CAMK1D: variants seen among roughly 807,000 people sequenced by gnomAD.
CAMK1D encodes the protein calcium/calmodulin-dependent protein kinase type 1D.
A neutral mutation model predicts 47.7 loss-of-function variants in CAMK1D; 9 were observed. The observed-to-expected ratio is 0.19, with a 90% CI of 0.11 to 0.33. The LOEUF is 0.33. Ranked by LOEUF, CAMK1D falls within the 10% of genes least tolerant of loss-of-function variation. The probability of loss-of-function intolerance (pLI) is 1.00; values close to 1 mark genes in which losing one functional copy is unlikely to be tolerated. For synonymous variants in CAMK1D, 184 were observed against 184.9 expected (o/e 0.99, Z 0.04); for missense variants, 291 against 488.7 (o/e 0.60, Z 3.81).
chr10:12,809,181 C>T (rs776518225), intron 6 of CAMK1D, among the ~76,000 whole-genome samples: 3 of 151,896 alleles, frequency 2.0e-5, no homozygotes, highest in Non-Finnish European at 4.4e-5. Flanking sequence ...GTCATCCTAA[C>T]GGGTGGGAAG....
chr10:12,729,916 G>A (rs1202209341), intron 3 of CAMK1D, among the ~76,000 whole-genome samples: 1 of 142,776 alleles, frequency 7.0e-6, no homozygotes, highest in African/African-American at 2.5e-5. Context: ...GGGTTGAGAT[G>A]TAACAGGAGG....
chr10:12,463,538 A>T (rs1833499343), intron 1 of CAMK1D, among the ~76,000 whole-genome samples: 1 of 152,200 alleles, frequency 6.6e-6, no homozygotes, highest in South Asian at 2.1e-4. Context: ...TTATAATGCA[A>T]CAACTTATCT....
intron 4 of CAMK1D, among the ~76,000 whole-genome samples, chr10:12,762,931 C>A (rs1249673666): frequency 2.0e-5 from 3 of 152,138 alleles, no homozygotes; most frequent in Admixed American, 6.5e-5. Context: ...CGTGTGGTGA[C>A]CACAGGGATG....
intron 1 of CAMK1D, among the ~76,000 whole-genome samples, chr10:12,512,342 T>C (rs1426310949): frequency 6.6e-6 from 1 of 152,208 alleles, no homozygotes. Context: ...ACGTTGTCAC[T>C]GGTTTCAGAC....
At chr10:12,415,351 C>T (rs1406865183) in intron 1 of CAMK1D, among the ~76,000 whole-genome samples, 6 of 151,622 alleles carry the variant, frequency 4.0e-5, no homozygotes, top group Admixed American at 2.0e-4. Flanking sequence ...TGCAGTAGCA[C>T]GATCTTGGCT....
At chr10:12,565,556 A>G (rs1055480748) in intron 2 of CAMK1D, among the ~76,000 whole-genome samples, 1 of 152,188 alleles carries the variant, frequency 6.6e-6, no homozygotes, top group Non-Finnish European at 1.5e-5. Context: ...GCCTGGCGAC[A>G]TCTCAGTTTT....
At chr10:12,383,178 T>C (rs1838390682) in intron 1 of CAMK1D, among the ~76,000 whole-genome samples, 1 of 152,186 alleles carries the variant, frequency 6.6e-6, no homozygotes, top group Non-Finnish European at 1.5e-5. Context: ...TATTTGGTAC[T>C]AAATAATTAA....
At chr10:12,662,091 C>T (rs764081466) in intron 2 of CAMK1D, among the ~76,000 whole-genome samples, 3 of 152,106 alleles carry the variant, frequency 2.0e-5, no homozygotes, top group East Asian at 1.9e-4. Flanking sequence ...TATCTTGATG[C>T]GGGTCTCTGG....
At chr10:12,534,561 T>C (rs796186475) in intron 1 of CAMK1D, among the ~76,000 whole-genome samples, 2 of 152,318 alleles carry the variant, frequency 1.3e-5, no homozygotes, top group African/African-American at 4.8e-5. Context: ...GAGATGGGCT[T>C]TCACCATGCT....
At chr10:12,515,430 C>CTTTTTTTTTTTTAATTATA (rs55728182) in intron 1 of CAMK1D, among the ~76,000 whole-genome samples, 2 of 92,262 alleles carry the variant, frequency 2.2e-5, no homozygotes, top group Admixed American at 1.2e-4. Flanking sequence ...TTTTTTTTTT[C>CTTTTTTTTTTTTAATTATA]ATTATACTTT....
intron 1 of CAMK1D, among the ~76,000 whole-genome samples, chr10:12,523,979 C>T (rs1835532331): frequency 6.6e-6 from 1 of 152,028 alleles, no homozygotes; most frequent in African/African-American, 2.4e-5. Flanking sequence ...GCAAGCTCTG[C>T]TTCCCGGGTT....
At chr10:12,734,552 A>G (rs1247599614) in intron 3 of CAMK1D, among the ~76,000 whole-genome samples, 2 of 147,818 alleles carry the variant, frequency 1.4e-5, no homozygotes, top group East Asian at 2.0e-4. Context: ...GTATATATGT[A>G]TATATATACA....
intron 4 of CAMK1D, among the ~76,000 whole-genome samples, chr10:12,765,390 T>G (rs1836703674): frequency 1.3e-5 from 2 of 148,386 alleles, no homozygotes; most frequent in African/African-American, 5.0e-5. Context: ...GGGGAGGGGG[T>G]AGTGGATGGG....
chr10:12,558,278 G>T (rs943015906), intron 2 of CAMK1D, among the ~76,000 whole-genome samples: 1 of 152,204 alleles, frequency 6.6e-6, no homozygotes, highest in East Asian at 1.9e-4. Flanking sequence ...AAACTTGACC[G>T]GCACGGTGGC....
chr10:12,481,764 T>C (rs1201120065), intron 1 of CAMK1D, among the ~76,000 whole-genome samples: 1 of 152,200 alleles, frequency 6.6e-6, no homozygotes, highest in Non-Finnish European at 1.5e-5. Flanking sequence ...CGCCTTGGCC[T>C]CCCAAAGTGC....
chr10:12,704,060 G>A (rs1017345259), intron 3 of CAMK1D, among the ~76,000 whole-genome samples: 2 of 143,570 alleles, frequency 1.4e-5, no homozygotes, highest in South Asian at 2.3e-4. Context: ...TGTTTGAAAC[G>A]TGTGTGTGTG....
chr10:12,774,862 A>T (rs1267356822), intron 5 of CAMK1D, among the ~76,000 whole-genome samples: 1 of 152,274 alleles, frequency 6.6e-6, no homozygotes, highest in Non-Finnish European at 1.5e-5. Flanking sequence ...GAACAGTTTC[A>T]TCCTGAAACC....
At chr10:12,715,197 TTGA>T (rs1187716424) in intron 3 of CAMK1D, among the ~76,000 whole-genome samples, 1 of 152,220 alleles carries the variant, frequency 6.6e-6, no homozygotes, top group Non-Finnish European at 1.5e-5. Context: ...GTCACAGTTC[TTGA>T]TGATATATTT....
At chr10:12,361,088 G>A (rs765439071) in intron 1 of CAMK1D, among the ~76,000 whole-genome samples, 25 of 152,122 alleles carry the variant, frequency 1.6e-4, no homozygotes, top group Non-Finnish European at 2.5e-4. Context: ...TGGCAATAAC[G>A]TACAAGAATT....
Sources: gnomAD v4.1 joint callset for allele counts (sites outside exome capture counted in the v4.1 genomes callset) on GRCh38, gnomAD v4.1.1 for gene constraint, MANE v1.5 for transcripts, NCBI Gene and HGNC (gene_info 2026-07-23, HGNC 2026-07-21) for gene names.